Variants in FXN observed in about 807,000 individuals in gnomAD.
FXN encodes the protein frataxin, mitochondrial.
FXN carries 14 observed loss-of-function variants against 22.4 expected under a neutral mutation model. The ratio of observed to expected loss-of-function variants is 0.62; its 90% CI spans 0.41 to 0.98. FXN has a LOEUF of 0.98. Ranked by LOEUF, FXN falls within the 50% of genes least tolerant of loss-of-function variation. The probability of loss-of-function intolerance (pLI) is 0.00; values close to 1 mark genes in which losing one functional copy is unlikely to be tolerated. For synonymous variants in FXN, 120 were observed against 114.1 expected, an observed-to-expected ratio of 1.05 and a Z score of -0.33; for missense variants, 267 against 268.4, an observed-to-expected ratio of 0.99 and a Z score of 0.04.
intron 1 of FXN, among the ~76,000 whole-genome samples, chr9:69,042,094 T>A (rs946011510): frequency 6.6e-6 from 1 of 151,902 alleles, no homozygotes; most frequent in South Asian, 2.1e-4. Flanking sequence ...AAAAATTAGC[T>A]GGGCATGGAG....
At chr9:69,037,932 G>A (rs958378644) in intron 1 of FXN, among the ~76,000 whole-genome samples, 2 of 152,222 alleles carry the variant, frequency 1.3e-5, no homozygotes, top group African/African-American at 4.8e-5. Flanking sequence ...AATTACAGGC[G>A]TGAGCCACCG....
intron 1 of FXN, 125 bp downstream of exon 1, chr9:69,036,072 G>A (rs1831546544): frequency 1.2e-6 from 1 of 857,570 alleles, no homozygotes; most frequent in Admixed American, 4.7e-5. Flanking sequence ...AGCTCACCCC[G>A]CTCCTTCTCA....
In FXN at chr9:69,078,604, AATT is replaced by A. The variant is rs1832412508; in HGVS notation, c.*5845_*5847del. On this transcript the variant is annotated 3_prime_UTR_variant, in exon 5 of 5. Transcript: ENST00000484259. ...CTGTTCAGGCACTGACTCTACATAT[AATT>A]ATGCTTTTCTACCCCCTCACACTCA... is the stretch of plus-strand genomic sequence containing the variant. The A allele has an allele frequency of 1.0e-6, 1 of 985,554 alleles. No individual in the cohort carries two copies. The highest frequency in any genetic ancestry group is 4.7e-5 in the South Asian group (1 of 21,286). 61.1% of individuals were successfully genotyped at this position (985,554 alleles called of 1,614,324 possible).
At chr9:69,070,439 TGGGCCACCA>T (rs994997358) in intron 4 of FXN, among the ~76,000 whole-genome samples, 6 of 152,146 alleles carry the variant, frequency 3.9e-5, no homozygotes, top group African/African-American at 9.7e-5. Context: ...AGGGGGACCA[TGGGCCACCA>T]GGGCCACCAG....
At chr9:69,044,217 G>C (rs1029856039) in intron 1 of FXN, among the ~76,000 whole-genome samples, 3 of 152,138 alleles carry the variant, frequency 2.0e-5, no homozygotes, top group Admixed American at 2.0e-4. Flanking sequence ...CCAAGAATAA[G>C]GACTGTAATA....
intron 1 of FXN, among the ~76,000 whole-genome samples, chr9:69,041,168 C>T (rs1460563072): frequency 1.3e-5 from 2 of 152,194 alleles, no homozygotes; most frequent in African/African-American, 4.8e-5. Flanking sequence ...AATCTGCCAG[C>T]CCGAATTCTG....
Position 69,075,805 on chromosome 9 carries a change from A to G in FXN, c.*3043A>G, listed in dbSNP as rs973519514. 3.9e-6 allele frequency: 3 copies of G among 773,872 alleles called. No homozygotes were observed. The highest frequency in any genetic ancestry group is 4.7e-6 in the Non-Finnish European group (3 of 637,470). 47.9% of individuals were successfully genotyped at this position (773,872 alleles called of 1,614,324 possible). The stretch of plus-strand genomic sequence containing the variant: ...GAGGACAGTGGTACAATCAAAGCTC[A>G]TGGCAGCCTCGACCTCCCTGGGCTT... On this transcript the variant is annotated 3_prime_UTR_variant, in exon 5 of 5. Transcript: ENST00000484259.
At chr9:69,061,508 T>C (rs1832073339) in intron 3 of FXN, among the ~76,000 whole-genome samples, 1 of 152,052 alleles carries the variant, frequency 6.6e-6, no homozygotes, top group Non-Finnish European at 1.5e-5. Flanking sequence ...TGTGTGTTGA[T>C]TCTTTGAGCT....
intron 3 of FXN, among the ~76,000 whole-genome samples, chr9:69,061,529 AT>A (rs1816797234): frequency 1.3e-5 from 2 of 151,266 alleles, no homozygotes; most frequent in Non-Finnish European, 2.9e-5. Flanking sequence ...CTTTTTTTTT[AT>A]TATTATACTT....
At chr9:69,042,957 A>C (rs1156544305) in intron 1 of FXN, among the ~76,000 whole-genome samples, 1 of 152,174 alleles carries the variant, frequency 6.6e-6, no homozygotes, top group Non-Finnish European at 1.5e-5. Context: ...TAGGCAAGTT[A>C]CCCTTTGGTG....
At chr9:69,041,029 G>T (rs1252612786) in intron 1 of FXN, among the ~76,000 whole-genome samples, 3 of 152,162 alleles carry the variant, frequency 2.0e-5, no homozygotes, top group Non-Finnish European at 4.4e-5. Context: ...CTGGTATTTT[G>T]TTATAACATC....
intron 3 of FXN, among the ~76,000 whole-genome samples, chr9:69,058,948 G>A (rs1396387776): frequency 1.3e-5 from 2 of 152,070 alleles, no homozygotes; most frequent in African/African-American, 4.8e-5. Flanking sequence ...GGCACCTGTA[G>A]TCCCAGCTAC....
intron 1 of FXN, among the ~76,000 whole-genome samples, chr9:69,037,290 G>GAAGAAGAAGAAGAAGAAGAAGAAC (rs1286714983): frequency 2.9e-5 from 4 of 136,980 alleles, no homozygotes; most frequent in African/African-American, 1.1e-4. Context: ...AAAAAAAGAA[G>GAAGAAGAAGAAGAAGAAGAAGAAC]AAGAAGAAGA....
Position 69,076,080 on chromosome 9 carries a change from A to G in FXN, c.*3318A>G. ...CACATAGAAAATAAAATGTTCTGGCATGACTTATTTAGCTCTCTGGAATTA... is the reference window on the plus strand; with the variant it reads ...CACATAGAAAATAAAATGTTCTGGCGTGACTTATTTAGCTCTCTGGAATTA... On this transcript the variant is annotated 3_prime_UTR_variant, in exon 5 of 5. Coordinates refer to ENST00000484259, the MANE Select transcript of FXN (RefSeq NM_000144.5). The G allele has an allele frequency of 1.0e-6, 1 of 984,752 alleles. No homozygotes were observed. Among genetic ancestry groups the G allele is most frequent in the Non-Finnish European group, 1.2e-6 (1 of 829,324 alleles). The allele number at this position is 984,752 out of a possible 1,614,324, so 61.0% of individuals were successfully genotyped here.
At chr9:69,044,431 G>T (rs937139010) in intron 1 of FXN, among the ~76,000 whole-genome samples, 1 of 150,878 alleles carries the variant, frequency 6.6e-6, no homozygotes, top group African/African-American at 2.4e-5. Context: ...CCCCCAGCCC[G>T]TTTCCTCCTC....
At chr9:69,071,051 G>A (rs952267283) in intron 4 of FXN, among the ~76,000 whole-genome samples, 1 of 152,016 alleles carries the variant, frequency 6.6e-6, no homozygotes, top group Non-Finnish European at 1.5e-5. Context: ...CCCACCTTGC[G>A]CACCCTGAGG....
At position 69,077,880 on chromosome 9, in the gene FXN, A is replaced by C. The variant is rs1832398879; in HGVS notation, c.*5118A>C. ...GGGTGGTGGAGGTTGCAGTGAGCCG[A>C]GATTACACCACTGCACTCCAGCCTG... On this transcript the variant is annotated 3_prime_UTR_variant, in exon 5 of 5. Transcript: ENST00000484259. The C allele has an allele frequency of 1.1e-6, 1 of 894,452 alleles. No individual in the cohort carries two copies. The highest frequency in any genetic ancestry group is 1.8e-5 in the African/African-American group (1 of 55,072). 55.4% of individuals were successfully genotyped at this position (894,452 alleles called of 1,614,324 possible).
intron 2 of FXN, among the ~76,000 whole-genome samples, chr9:69,051,390 G>A (rs1238806451): frequency 6.6e-6 from 1 of 151,906 alleles, no homozygotes; most frequent in Non-Finnish European, 1.5e-5. Context: ...CCCATGGCCA[G>A]CTCTTGATAC....
chr9:69,037,304 A>AGAAGAAGAAGAAGAAGAAGAAGAAG (rs58850165), intron 1 of FXN, among the ~76,000 whole-genome samples: 6 of 148,120 alleles, frequency 4.1e-5, no homozygotes, highest in Middle Eastern at 3.4e-3. Context: ...AAGAAGAAGA[A>AGAAGAAGAAGAAGAAGAAGAAGAAG]AATAAAGAAA....
Sources: allele counts gnomAD v4.1 joint callset (sites outside exome capture counted in the v4.1 genomes callset), GRCh38; gene constraint gnomAD v4.1.1; transcripts MANE v1.5; gene names NCBI Gene and HGNC (gene_info 2026-07-23, HGNC 2026-07-21).